FRMPD3: variants seen among roughly 807,000 people sequenced by gnomAD.
FRMPD3 encodes the protein FERM and PDZ domain containing 3.
Under a neutral mutation model 97.9 loss-of-function variants are expected in FRMPD3, and 42 were observed. The observed-to-expected ratio is 0.43, with a 90% CI of 0.34 to 0.55. FRMPD3 has a LOEUF of 0.55. Among genes scored for constraint, FRMPD3 ranks in the 20% least tolerant of loss-of-function variants. The pLI, the probability that FRMPD3 is intolerant of heterozygous loss-of-function variation, is 0.03. For missense variants in FRMPD3, 1,303 were observed against 1,457.7 expected (o/e 0.89, Z 1.73); for synonymous variants, 577 against 581.1 (o/e 0.99, Z 0.10).
At chrX:107,464,363 T>A (rs1277831587) in intron 1 of FRMPD3, among the ~76,000 whole-genome samples, 1 of 111,156 alleles carries the variant, frequency 9.0e-6, no homozygotes, top group African/African-American at 3.3e-5. Context: ...TTATTTTGTT[T>A]TTTTTTGCTA....
chrX:107,549,821 G>A (rs369854779), intron 5 of FRMPD3, among the ~76,000 whole-genome samples: 1 of 111,421 alleles, frequency 9.0e-6, no homozygotes, highest in Non-Finnish European at 1.9e-5. Context: ...TGGGTGCTCC[G>A]TGATGTCAAA....
intron 4 of FRMPD3, among the ~76,000 whole-genome samples, chrX:107,539,788 T>A: frequency 8.9e-6 from 1 of 111,761 alleles, no homozygotes; most frequent in South Asian, 3.7e-4. Context: ...GGAGACATAT[T>A]AACATAAAAT....
rs62603001 is a variant in FRMPD3 at position 107,518,351 on chromosome X, G to C, written c.-7-8231G>C. 2.1e-3 allele frequency among the ~76,000 whole-genome samples: 240 copies of C among 111,645 alleles called. 2 individuals are homozygous for C. The highest frequency in any genetic ancestry group is 2.1e-3 in the Non-Finnish European group (111 of 53,116). On this transcript the variant is annotated intron_variant, in intron 1 of 14. Coordinates refer to ENST00000683843, the MANE Select transcript of FRMPD3 (RefSeq NM_001388459.1). ...TGGAGGTAAACTGGAAGAATGGATG[G>C]TGTCGTAGAGAGTGGGATATTGGGC...
intron 13 of FRMPD3, among the ~76,000 whole-genome samples, chrX:107,587,811 A>G (rs1429243617): frequency 1.8e-5 from 2 of 111,743 alleles, no homozygotes; most frequent in Non-Finnish European, 3.8e-5. Context: ...GTCTCACTCC[A>G]TTGCCCAGGC....
chrX:107,535,688 A>G (rs1319246591), intron 4 of FRMPD3, among the ~76,000 whole-genome samples: 1 of 109,290 alleles, frequency 9.1e-6, no homozygotes, highest in Non-Finnish European at 1.9e-5. Flanking sequence ...AAAAAAAAAA[A>G]AAGGCAAAAC....
intron 1 of FRMPD3, among the ~76,000 whole-genome samples, chrX:107,461,021 T>C (rs1340594317): frequency 8.9e-6 from 1 of 111,930 alleles, no homozygotes; most frequent in Non-Finnish European, 1.9e-5. Context: ...CACAGTTTAG[T>C]GTCCGTCACC....
Position 107,598,059 on chromosome X carries a change from A to G in FRMPD3, c.2180A>G (p.Asp727Gly). The G allele has an allele frequency of 8.3e-7, 1 of 1,210,616 alleles. No individual in the cohort carries two copies. Among genetic ancestry groups the G allele is most frequent in the African/African-American group, 1.7e-5 (1 of 57,728 alleles). The part of the protein sequence containing the change: ...TVRDHAQELD[D>G]ALVSTLQALE... ...CGAGATCATGCCCAGGAGCTAGATG[A>G]TGCCCTGGTGTCCACTCTGCAGGCT... Residue 727 changes from aspartate (D) to glycine (G), a missense_variant, in exon 14 of 15, where the codon GAT (aspartate) becomes GGT (glycine). Physicochemically the swap from Asp to Gly is moderately conservative, Grantham distance 94. This residue lies in a region of FRMPD3 where 535 missense variants were observed against 618.6 expected (regional missense o/e 0.86). Coordinates refer to ENST00000683843, the MANE Select transcript of FRMPD3 (RefSeq NM_001388459.1).
intron 12 of FRMPD3, among the ~76,000 whole-genome samples, chrX:107,575,909 G>A (rs1923093240): frequency 9.0e-6 from 1 of 111,406 alleles, no homozygotes; most frequent in Non-Finnish European, 1.9e-5. Context: ...TGCACCCAAG[G>A]GACTTAGAAT....
chrX:107,539,391 T>C (rs1483943724), intron 4 of FRMPD3, among the ~76,000 whole-genome samples: 1 of 112,410 alleles, frequency 8.9e-6, no homozygotes, highest in Non-Finnish European at 1.9e-5. Flanking sequence ...TTATTAATCT[T>C]GAAATCTTTA....
chrX:107,458,219 C>T (rs928017496), intron 1 of FRMPD3, among the ~76,000 whole-genome samples: 23 of 112,037 alleles, frequency 2.1e-4, no homozygotes, highest in Admixed American at 6.6e-4. Flanking sequence ...CAGGATCTAG[C>T]CCTGTACTAA....
intron 4 of FRMPD3, among the ~76,000 whole-genome samples, chrX:107,537,388 A>G (rs6523963): frequency 0.15 from 16,217 of 111,263 alleles, 2,713 homozygotes; most frequent in African/African-American, 0.49. Context: ...GGACAAACAT[A>G]GTCCCTGCCC....
chrX:107,467,023 TGAGAGA>T (rs1556151770), intron 1 of FRMPD3, among the ~76,000 whole-genome samples: 1 of 98,348 alleles, frequency 1.0e-5, no homozygotes, highest in Admixed American at 1.1e-4. Context: ...TGTGTGTGTG[TGAGAGA>T]GAGAGAGAGA....
chrX:107,499,057 C>T (rs968653089), intron 1 of FRMPD3, among the ~76,000 whole-genome samples: 117 of 110,295 alleles, frequency 1.1e-3, no homozygotes, highest in Non-Finnish European at 6.6e-4. Flanking sequence ...GTACCTATTC[C>T]TGTGCCAGGG....
intron 1 of FRMPD3, among the ~76,000 whole-genome samples, chrX:107,453,556 A>G (rs955957224): frequency 1.1e-4 from 12 of 111,803 alleles, no homozygotes; most frequent in South Asian, 3.8e-4. Flanking sequence ...CCATAAGTTC[A>G]GAAACAAAAA....
chrX:107,563,081 T>C, intron 10 of FRMPD3, 30 bp from the exon 11 acceptor site: 1 of 1,149,077 alleles, frequency 8.7e-7, no homozygotes, highest in South Asian at 1.8e-5. Context: ...CCCTCAGGCT[T>C]CTCATATTTC....
At chrX:107,461,544 G>A (rs1931471555) in intron 1 of FRMPD3, among the ~76,000 whole-genome samples, 1 of 110,614 alleles carries the variant, frequency 9.0e-6, no homozygotes, top group Non-Finnish European at 1.9e-5. Flanking sequence ...TTAGATTACT[G>A]CAGCAGCCTC....
At chrX:107,585,793 A>G (rs1465471343) in intron 13 of FRMPD3, among the ~76,000 whole-genome samples, 1 of 112,192 alleles carries the variant, frequency 8.9e-6, no homozygotes, top group Non-Finnish European at 1.9e-5. Context: ...GGATGAAGCC[A>G]ACTTGATTGT....
intron 1 of FRMPD3, among the ~76,000 whole-genome samples, chrX:107,518,207 G>C (rs188378921): frequency 8.9e-6 from 1 of 112,113 alleles, no homozygotes; most frequent in Non-Finnish European, 1.9e-5. Flanking sequence ...AGACCTAAAG[G>C]ATGAAGAGCC....
At chrX:107,486,849 TCA>T (rs1280923379) in intron 1 of FRMPD3, among the ~76,000 whole-genome samples, 1 of 111,187 alleles carries the variant, frequency 9.0e-6, no homozygotes, top group Admixed American at 9.6e-5. Context: ...GTAAAAACTC[TCA>T]GTCTTTGAAA....
Sources: allele counts gnomAD v4.1 joint callset (sites outside exome capture counted in the v4.1 genomes callset), GRCh38; gene constraint gnomAD v4.1.1; regional missense constraint gnomAD v4.1.1; transcripts MANE v1.5; gene names NCBI Gene and HGNC (gene_info 2026-07-23, HGNC 2026-07-21).